The following FHIT variants were observed in gnomAD, a reference collection of about 807,000 sequenced individuals.
FHIT encodes the protein bis(5'-adenosyl)-triphosphatase.
In FHIT, 19 loss-of-function variants were observed where a neutral mutation model predicts 17.9. The observed-to-expected ratio is 1.06, with a 90% confidence interval of 0.74 to 1.56. The LOEUF (loss-of-function observed/expected upper bound fraction) is 1.56, where lower values mean the gene tolerates loss of function less well. Ranked by LOEUF, FHIT falls within the 40% of genes most tolerant of loss-of-function variation. The pLI, the probability that FHIT is intolerant of heterozygous loss-of-function variation, is 0.00. For synonymous variants in FHIT, 81 were observed against 69.7 expected (o/e 1.16, Z -0.81); for missense variants, 248 against 189.2 (o/e 1.31, Z -1.82).
chr3:60,249,752 T>C (rs1705597406), intron 5 of FHIT, among the ~76,000 whole-genome samples: 1 of 131,382 alleles, frequency 7.6e-6, no homozygotes, highest in Admixed American at 7.4e-5. Flanking sequence ...AGAGGGAGAG[T>C]GTATTAATCT....
In FHIT at chr3:60,501,864, A is replaced by G. The variant is rs75767888; in HGVS notation, c.103+34996T>C. Among the ~76,000 whole-genome samples, 114 of 152,370 alleles carry G rather than the reference A, an allele frequency of 7.5e-4. 3 individuals are homozygous for G. In the East Asian group the frequency reaches 0.02, roughly 27 times the overall value. On this transcript the variant is annotated intron_variant, in intron 5 of 9. Coordinates refer to ENST00000492590, the MANE Select transcript of FHIT (RefSeq NM_002012.4). The stretch of plus-strand genomic sequence containing the variant: ...TATTACGTGCATACACATGCATATT[A>G]CGCACTCAGTACTTGTAGGAGTGAA...
intron 4 of FHIT, among the ~76,000 whole-genome samples, chr3:60,810,200 G>A (rs1352242454): frequency 1.3e-5 from 2 of 152,130 alleles, no homozygotes; most frequent in African/African-American, 4.8e-5. Context: ...TCATCAGCTG[G>A]CAGAATGATT....
intron 4 of FHIT, among the ~76,000 whole-genome samples, chr3:60,635,017 T>C (rs2039544554): frequency 2.0e-5 from 3 of 152,142 alleles, no homozygotes; most frequent in Non-Finnish European, 4.4e-5. Flanking sequence ...AGCTACTGCA[T>C]GCCCCACTGC....
chr3:59,898,520 A>G (rs754912607), intron 8 of FHIT, among the ~76,000 whole-genome samples: 4 of 152,040 alleles, frequency 2.6e-5, no homozygotes, highest in Non-Finnish European at 5.9e-5. Flanking sequence ...GATTTCCAAC[A>G]TTTCTTGAAA....
At chr3:60,596,098 T>G (rs111833065) in intron 4 of FHIT, 27 of 328,520 alleles carry the variant, frequency 8.2e-5, no homozygotes, top group African/African-American at 5.1e-4. Context: ...TCTTCTTTCT[T>G]ACAAATAAAA....
chr3:59,980,544 G>T (rs528471212), intron 7 of FHIT, among the ~76,000 whole-genome samples: 4 of 152,262 alleles, frequency 2.6e-5, no homozygotes, highest in Admixed American at 1.3e-4. Flanking sequence ...TAGCAGAGAA[G>T]AGCTTCAAAC....
intron 5 of FHIT, among the ~76,000 whole-genome samples, chr3:60,403,808 C>G (rs1339701863): frequency 2.0e-5 from 3 of 152,146 alleles, no homozygotes; most frequent in Non-Finnish European, 4.4e-5. Context: ...ACAATTTCCC[C>G]TGTATCTTTG....
intron 4 of FHIT, among the ~76,000 whole-genome samples, chr3:60,574,539 G>A (rs1191435251): frequency 6.6e-6 from 1 of 151,970 alleles, no homozygotes; most frequent in Non-Finnish European, 1.5e-5. Flanking sequence ...ATATATTGTG[G>A]AGCACTCACG....
intron 5 of FHIT, among the ~76,000 whole-genome samples, chr3:60,396,421 C>G (rs1231259230): frequency 6.6e-6 from 1 of 152,056 alleles, no homozygotes; most frequent in African/African-American, 2.4e-5. Flanking sequence ...CAGAATGAGA[C>G]AGCGATGAAA....
intron 1 of FHIT, among the ~76,000 whole-genome samples, chr3:61,216,077 G>A (rs2039665553): frequency 6.6e-6 from 1 of 151,998 alleles, no homozygotes; most frequent in Non-Finnish European, 1.5e-5. Flanking sequence ...CAGGACATAG[G>A]CATGGGCAAG....
At chr3:60,636,611 T>G (rs2039592084) in intron 4 of FHIT, among the ~76,000 whole-genome samples, 1 of 152,086 alleles carries the variant, frequency 6.6e-6, no homozygotes, top group East Asian at 1.9e-4. Flanking sequence ...TTTTTCCAAT[T>G]AAGAGGCTTT....
rs186985211 is a variant in FHIT at position 60,868,059 on chromosome 3, T to C, written c.-110-46048A>G. 1.1e-4 allele frequency among the ~76,000 whole-genome samples: 17 copies of C among 152,184 alleles called. No individual in the cohort carries two copies. In the East Asian group the frequency reaches 2.9e-3, roughly 26 times the overall value. On this transcript the variant is annotated intron_variant, in intron 3 of 9. Coordinates refer to ENST00000492590, the MANE Select transcript of FHIT (RefSeq NM_002012.4). ...CCAAGACATAGCTTGTTATGACATATCTGAATAGAATTGAAGGTTTTTAAA... is the reference window on the plus strand; with the variant it reads ...CCAAGACATAGCTTGTTATGACATACCTGAATAGAATTGAAGGTTTTTAAA...
At chr3:60,610,285 G>C (rs17670154) in intron 4 of FHIT, among the ~76,000 whole-genome samples, 45,378 of 151,942 alleles carry the variant, frequency 0.3, 6,976 homozygotes, top group Non-Finnish European at 0.31. Flanking sequence ...TCTTGTGATT[G>C]ATTTAAATAT....
At chr3:61,148,279 G>A (rs1359313468) in intron 2 of FHIT, among the ~76,000 whole-genome samples, 8 of 151,944 alleles carry the variant, frequency 5.3e-5, no homozygotes, top group Non-Finnish European at 7.4e-5. Flanking sequence ...TGGCTCCATG[G>A]CATTTCATAT....
At chr3:60,393,693 C>T (rs1701323334) in intron 5 of FHIT, among the ~76,000 whole-genome samples, 1 of 152,022 alleles carries the variant, frequency 6.6e-6, no homozygotes, top group African/African-American at 2.4e-5. Flanking sequence ...AAATTGTCAA[C>T]TTTAAAAATT....
chr3:61,249,188 G>A (rs2040554497), intron 1 of FHIT, among the ~76,000 whole-genome samples: 1 of 152,138 alleles, frequency 6.6e-6, no homozygotes, highest in Non-Finnish European at 1.5e-5. Flanking sequence ...GACTGCTGGT[G>A]GAATGAAAAT....
chr3:60,646,311 T>A (rs1015880583), intron 4 of FHIT, among the ~76,000 whole-genome samples: 1 of 152,186 alleles, frequency 6.6e-6, no homozygotes, highest in Admixed American at 6.5e-5. Context: ...ACACATTTTT[T>A]AATATCAAGT....
intron 4 of FHIT, among the ~76,000 whole-genome samples, chr3:60,570,088 G>A (rs188920038): frequency 1.5e-4 from 23 of 152,098 alleles, no homozygotes; most frequent in South Asian, 4.2e-4. Context: ...AGTCTATGGC[G>A]GTGGGACACA....
intron 4 of FHIT, among the ~76,000 whole-genome samples, chr3:60,817,146 C>T (rs1455025986): frequency 6.6e-6 from 1 of 151,886 alleles, no homozygotes; most frequent in African/African-American, 2.4e-5. Context: ...TGTATAAATC[C>T]ATTTGCCACT....
Sources: allele counts gnomAD v4.1 joint callset (sites outside exome capture counted in the v4.1 genomes callset), GRCh38; gene constraint gnomAD v4.1.1; transcripts MANE v1.5; gene names NCBI Gene and HGNC (gene_info 2026-07-23, HGNC 2026-07-21).